SNTB2: variants seen among roughly 807,000 people sequenced by gnomAD.
SNTB2 encodes the protein beta-2-syntrophin.
In SNTB2, 34 loss-of-function variants were observed where a neutral mutation model predicts 46.2. That is an observed-to-expected ratio of 0.74 (90% CI 0.56 to 0.98). The LOEUF is 0.98. SNTB2 is among the 50% of genes least tolerant of loss of function. SNTB2 has a pLI of 0.00. For missense variants in SNTB2, 603 were observed against 731.4 expected (o/e 0.82, Z 2.02); for synonymous variants, 290 against 312.6 (o/e 0.93, Z 0.76).
At chr16:69,229,621 C>CTT (rs1259750386) in intron 1 of SNTB2, among the ~76,000 whole-genome samples, 3 of 150,556 alleles carry the variant, frequency 2.0e-5, no homozygotes, top group African/African-American at 7.3e-5. Context: ...GGGCGGATCA[C>CTT]GAGGTCAAGA....
In SNTB2 at chr16:69,234,086, C is replaced by T. The variant is rs568621536; in HGVS notation, c.581-11516C>T. Among the ~76,000 whole-genome samples the T allele has an allele frequency of 3.3e-5, 5 of 152,310 alleles. No individual in the cohort carries two copies. In the South Asian group the frequency reaches 1.0e-3, roughly 32 times the overall value. The stretch of plus-strand genomic sequence containing the variant: ...GGTGACTGCGCCTATAATCCCAGCA[C>T]TTTGGTAGGCCGAAGCAGCAGATTG... On this transcript the variant is annotated intron_variant, in intron 1 of 6. Transcript: ENST00000336278.
chr16:69,273,461 A>G (rs1249917286), intron 4 of SNTB2, among the ~76,000 whole-genome samples: 2 of 152,208 alleles, frequency 1.3e-5, no homozygotes, highest in African/African-American at 4.8e-5. Flanking sequence ...ATGCTAAGTG[A>G]AAGAAGCCAG....
At chr16:69,245,281 C>T (rs925191990) in intron 1 of SNTB2, among the ~76,000 whole-genome samples, 3 of 152,166 alleles carry the variant, frequency 2.0e-5, no homozygotes, top group African/African-American at 7.2e-5. Flanking sequence ...GCAGCCACCG[C>T]CTCCCGGGTT....
At chr16:69,224,726 A>T (rs911735939) in intron 1 of SNTB2, among the ~76,000 whole-genome samples, 1 of 152,112 alleles carries the variant, frequency 6.6e-6, no homozygotes, top group Non-Finnish European at 1.5e-5. Context: ...TCCTCCATTT[A>T]TGTATTTATT....
chr16:69,187,816 T>C (rs1253674829), intron 1 of SNTB2, 70 bp downstream of exon 1: 2 of 1,100,992 alleles, frequency 1.8e-6, no homozygotes, highest in Non-Finnish European at 2.4e-6. Flanking sequence ...ACTTTGTTCC[T>C]GCCCCGCCGG....
chr16:69,283,571 A>AGTCC (rs1965071060), intron 4 of SNTB2, among the ~76,000 whole-genome samples: 1 of 152,072 alleles, frequency 6.6e-6, no homozygotes, highest in Non-Finnish European at 1.5e-5. Flanking sequence ...CTTTGGCTGA[A>AGTCC]ATGTTTGAAA....
At chr16:69,237,140 G>A (rs1406925218) in intron 1 of SNTB2, among the ~76,000 whole-genome samples, 2 of 152,208 alleles carry the variant, frequency 1.3e-5, no homozygotes, top group East Asian at 3.8e-4. Context: ...CTAGAGAGCT[G>A]TGTCAAACTG....
intron 5 of SNTB2, among the ~76,000 whole-genome samples, chr16:69,289,074 G>A (rs923973736): frequency 3.3e-5 from 5 of 151,766 alleles, no homozygotes; most frequent in South Asian, 2.1e-4. Context: ...GTTCGAGACC[G>A]GCCTGACCAA....
intron 2 of SNTB2, among the ~76,000 whole-genome samples, chr16:69,254,391 T>G (rs928014491): frequency 1.3e-5 from 2 of 152,196 alleles, no homozygotes; most frequent in African/African-American, 4.8e-5. Context: ...TTAAATCAGC[T>G]AAGTCATTTA....
chr16:69,200,298 A>G (rs1032673798), intron 1 of SNTB2, among the ~76,000 whole-genome samples: 19 of 152,184 alleles, frequency 1.2e-4, no homozygotes, highest in Non-Finnish European at 2.1e-4. Context: ...TGGGGAATCA[A>G]TTTCTTTTAC....
intron 1 of SNTB2, among the ~76,000 whole-genome samples, chr16:69,214,132 T>A (rs561112483): frequency 2.0e-4 from 30 of 149,232 alleles, no homozygotes; most frequent in South Asian, 6.4e-4. Flanking sequence ...CTTTTATTTT[T>A]TTTTTTTTTA....
chr16:69,233,850 AC>A (rs1964531227), intron 1 of SNTB2, among the ~76,000 whole-genome samples: 1 of 151,984 alleles, frequency 6.6e-6, no homozygotes, highest in South Asian at 2.1e-4. Context: ...AGTGGTGCAT[AC>A]CTGTAGTCCT....
chr16:69,236,231 TTTAGACTACATTCC>T (rs1964559435), intron 1 of SNTB2, among the ~76,000 whole-genome samples: 1 of 152,150 alleles, frequency 6.6e-6, no homozygotes, highest in African/African-American at 2.4e-5. Context: ...TACACAAGAC[TTTAGACTACATTCC>T]TTAGGCAGTA....
chr16:69,187,291 A>C lies in SNTB2; in HGVS notation c.125A>C (p.Glu42Ala). ...LRERWVRVVA[E>A]LSGESLSLTG... is the part of the protein sequence containing the mutation. The stretch of plus-strand genomic sequence containing the variant: ...GAGCGCTGGGTCCGAGTGGTGGCCG[A>C]GCTGAGCGGGGAGAGCCTGAGCCTG... The change falls in exon 1 of 7, where the codon GAG (glutamate) becomes GCG (alanine). Residue 42 changes from glutamate (E) to alanine (A), a missense_variant. Transcript: ENST00000336278. 1 of 1,488,820 alleles carries C rather than the reference A, an allele frequency of 6.7e-7. No individual in the cohort carries two copies. The highest frequency in any genetic ancestry group is 8.9e-7 in the Non-Finnish European group (1 of 1,126,540). The allele number at this position is 1,488,820 out of a possible 1,614,324, so 92.2% of individuals were successfully genotyped here. A position where few individuals can be genotyped will look rare whatever the true frequency, so the allele number is the denominator to read the frequency against.
At chr16:69,277,032 T>C (rs2143137322) in intron 4 of SNTB2, among the ~76,000 whole-genome samples, 1 of 152,352 alleles carries the variant, frequency 6.6e-6, no homozygotes, top group South Asian at 2.1e-4. Context: ...GACTGTTGTC[T>C]CAAGGAAAAG....
chr16:69,217,721 T>A (rs1226250984), intron 1 of SNTB2, among the ~76,000 whole-genome samples: 2 of 152,210 alleles, frequency 1.3e-5, no homozygotes, highest in Non-Finnish European at 2.9e-5. Context: ...GACAAGGGTT[T>A]TTAGCCATGG....
At chr16:69,258,298 A>G (rs1964798134) in intron 2 of SNTB2, among the ~76,000 whole-genome samples, 1 of 152,096 alleles carries the variant, frequency 6.6e-6, no homozygotes, top group African/African-American at 2.4e-5. Flanking sequence ...TATCTTAGTC[A>G]TTTATTTATT....
At chr16:69,248,083 A>C (rs1312710395) in intron 2 of SNTB2, among the ~76,000 whole-genome samples, 1 of 152,208 alleles carries the variant, frequency 6.6e-6, no homozygotes, top group Non-Finnish European at 1.5e-5. Flanking sequence ...GGATTGTGCC[A>C]CTGCACTGTA....
intron 1 of SNTB2, chr16:69,235,928 T>A: frequency 7.1e-6 from 8 of 1,125,230 alleles, no homozygotes; most frequent in Non-Finnish European, 9.2e-6. Flanking sequence ...CTGGTTTATC[T>A]GTGCTACATC....
Sources: gnomAD v4.1 joint callset for allele counts (sites outside exome capture counted in the v4.1 genomes callset) on GRCh38, gnomAD v4.1.1 for gene constraint, MANE v1.5 for transcripts, NCBI Gene and HGNC (gene_info 2026-07-23, HGNC 2026-07-21) for gene names.